Variants in TRPM1 observed in about 807,000 individuals in gnomAD.
TRPM1 encodes transient receptor potential cation channel subfamily M member 1, also known as TRPM1-203 APA Isoform, Intron 10.
Under a neutral mutation model 149.4 loss-of-function variants are expected in TRPM1, and 113 were observed. The ratio of observed to expected loss-of-function variants is 0.76; its 90% CI spans 0.65 to 0.88. The LOEUF is 0.88. TRPM1 is among the 40% of genes least tolerant of loss of function. TRPM1 has a pLI of 0.00. For synonymous variants in TRPM1, 741 were observed against 759.5 expected (o/e 0.98, Z 0.40); for missense variants, 1,976 against 2,038.7 (o/e 0.97, Z 0.59).
intron 1 of TRPM1, among the ~76,000 whole-genome samples, chr15:31,112,746 C>T (rs947544584): frequency 6.6e-6 from 1 of 152,136 alleles, no homozygotes; most frequent in Non-Finnish European, 1.5e-5. Flanking sequence ...AAAAAGATTC[C>T]ACGTGAACTA....
chr15:31,088,966 T>C (rs2035119697), intron 1 of TRPM1, among the ~76,000 whole-genome samples: 1 of 152,182 alleles, frequency 6.6e-6, no homozygotes, highest in Non-Finnish European at 1.5e-5. Context: ...GCAGTGGGGC[T>C]CCCAGCACTT....
intron 1 of TRPM1, among the ~76,000 whole-genome samples, chr15:31,113,838 G>C (rs973528556): frequency 6.6e-6 from 1 of 152,138 alleles, no homozygotes; most frequent in African/African-American, 2.4e-5. Flanking sequence ...GATGTGAACA[G>C]CAAAACAACG....
At chr15:31,082,924 A>G (rs572706496) in intron 1 of TRPM1, among the ~76,000 whole-genome samples, 10 of 152,062 alleles carry the variant, frequency 6.6e-5, no homozygotes, top group South Asian at 4.2e-4. Flanking sequence ...ATGAAGGGTC[A>G]TGGGGGGCTT....
At chr15:31,007,555 G>T (rs968724379) in intron 27 of TRPM1, among the ~76,000 whole-genome samples, 2 of 152,126 alleles carry the variant, frequency 1.3e-5, no homozygotes, top group Non-Finnish European at 2.9e-5. Flanking sequence ...CAATCCCAGT[G>T]CTTCGGGAGA....
At chr15:31,131,896 A>G (rs1472619619) in intron 1 of TRPM1, among the ~76,000 whole-genome samples, 1 of 142,484 alleles carries the variant, frequency 7.0e-6, no homozygotes, top group Non-Finnish European at 1.5e-5. Context: ...TTTTCCTCAC[A>G]TACTAAAATG....
In TRPM1 at chr15:31,038,024, G is replaced by A. The variant is rs2140924298; in HGVS notation, c.2439+20C>T. 2 of 1,614,002 alleles carry A rather than the reference G, an allele frequency of 1.2e-6. No individual in the cohort carries two copies. The highest frequency in any genetic ancestry group is 2.2e-5 in the South Asian group (2 of 91,042). Reference sequence around the variant, plus strand: ...AAACAAGATTACACTGATATGCTTAGGGTCAAGTGTGTCACTGACCGTATT... The same window carrying A: ...AAACAAGATTACACTGATATGCTTAAGGTCAAGTGTGTCACTGACCGTATT... On this transcript the variant is annotated intron_variant, in intron 19 of 27. Coordinates refer to ENST00000256552, the MANE Select transcript of TRPM1 (RefSeq NM_001252024.2).
chr15:31,130,914 A>G (rs879540984), intron 1 of TRPM1, among the ~76,000 whole-genome samples: 1 of 152,162 alleles, frequency 6.6e-6, no homozygotes, highest in Non-Finnish European at 1.5e-5. Flanking sequence ...GCGTGAATTA[A>G]ACTCTCTCCA....
intron 1 of TRPM1, among the ~76,000 whole-genome samples, chr15:31,129,321 C>A (rs1296372090): frequency 2.6e-5 from 4 of 152,220 alleles, no homozygotes; most frequent in Admixed American, 6.5e-5. Flanking sequence ...CTGCGCAGAT[C>A]TGTCCAGTAA....
intron 1 of TRPM1, among the ~76,000 whole-genome samples, chr15:31,157,595 A>C (rs748865386): frequency 3.9e-5 from 6 of 152,194 alleles, no homozygotes; most frequent in Non-Finnish European, 8.8e-5. Context: ...CTTCTCCTGC[A>C]TGAGTACTTG....
chr15:31,084,676 CTTTTTTT>C lies in TRPM1; in HGVS notation c.-83-3245_-83-3239del, dbSNP rs59470983. Among the ~76,000 whole-genome samples the C allele has an allele frequency of 3.1e-5, 4 of 128,484 alleles. No homozygotes were observed. The South Asian group carries it at 7.8e-4, about 25-fold the overall frequency. The allele number at this position is 128,484 out of a possible 152,430, so 84.3% of individuals were successfully genotyped here. A position where few individuals can be genotyped will look rare whatever the true frequency, so the allele number is the denominator to read the frequency against. On this transcript the variant is annotated intron_variant, in intron 1 of 27. Coordinates refer to ENST00000256552, the MANE Select transcript of TRPM1 (RefSeq NM_001252024.2). ...TCTCTCTTTCTTTCTTTTTTCTTTTCTTTTTTTTTTTTTTTGAGACAGAGTCTCACTC... is the reference window on the plus strand; with the variant it reads ...TCTCTCTTTCTTTCTTTTTTCTTTTCTTTTTTTTGAGACAGAGTCTCACTC...
intron 1 of TRPM1, among the ~76,000 whole-genome samples, chr15:31,097,485 T>C (rs1360826493): frequency 6.6e-6 from 1 of 152,168 alleles, no homozygotes; most frequent in Non-Finnish European, 1.5e-5. Context: ...CACCTGGAAA[T>C]ACTTTTGCAT....
At chr15:31,121,589 C>T (rs1203627866) in intron 1 of TRPM1, among the ~76,000 whole-genome samples, 1 of 152,158 alleles carries the variant, frequency 6.6e-6, no homozygotes, top group East Asian at 1.9e-4. Context: ...TGAACAAATT[C>T]CTTGAAACAC....
chr15:31,142,753 G>A (rs1245076005), intron 1 of TRPM1, among the ~76,000 whole-genome samples: 1 of 152,048 alleles, frequency 6.6e-6, no homozygotes, highest in African/African-American at 2.4e-5. Flanking sequence ...CTCCAGAAGG[G>A]CCCCTGGAAG....
intron 27 of TRPM1, among the ~76,000 whole-genome samples, chr15:31,016,981 AC>A (rs770875187): frequency 0.066 from 8,866 of 134,878 alleles, 366 homozygotes; most frequent in Admixed American, 0.14. Flanking sequence ...ACACACACAC[AC>A]ACACACAAAA....
chr15:31,057,700 G>A (rs75375569), intron 11 of TRPM1, among the ~76,000 whole-genome samples: 3,536 of 152,168 alleles, frequency 0.023, 148 homozygotes, highest in African/African-American at 0.081. Flanking sequence ...ATATATCCAC[G>A]TTGCTGACAA....
At chr15:31,071,651 C>T (rs564276620) in intron 3 of TRPM1, among the ~76,000 whole-genome samples, 1 of 151,650 alleles carries the variant, frequency 6.6e-6, no homozygotes, top group Non-Finnish European at 1.5e-5. Flanking sequence ...TCATGTAATA[C>T]ATAATCAACC....
intron 1 of TRPM1, among the ~76,000 whole-genome samples, chr15:31,090,658 AAAAG>A (rs1038475799): frequency 2.6e-5 from 4 of 151,994 alleles, no homozygotes; most frequent in African/African-American, 7.2e-5. Context: ...AGAAAAAAAA[AAAAG>A]AAACTGCACC....
Position 31,049,413 on chromosome 15 carries a change from A to G in TRPM1, c.1534T>C (p.Phe512Leu). 6.2e-7 allele frequency: 1 copy of G among 1,614,172 alleles called. No individual in the cohort carries two copies. The highest frequency in any genetic ancestry group is 1.1e-5 in the South Asian group (1 of 91,084). ...TCCTCCAGCCTCGGAATGGTCAGAA[A>G]GTGTTGCATGTTCACTCCGTTTTCA... is the stretch of plus-strand genomic sequence containing the variant. ...LIENGVNMQH[F>L]LTIPRLEELY... Residue 512 changes from phenylalanine to leucine, a missense_variant, in exon 13 of 28, where the codon TTT becomes CTT. Physicochemically the swap from Phe to Leu is conservative, Grantham distance 22 (BLOSUM62 0). Transcript: ENST00000256552.
intron 16 of TRPM1, among the ~76,000 whole-genome samples, chr15:31,045,721 C>A (rs1319733623): frequency 6.6e-6 from 1 of 152,086 alleles, no homozygotes; most frequent in Admixed American, 6.5e-5. Context: ...TTTGAGAAAA[C>A]TATATATTTT....
Sources: gnomAD v4.1 joint callset for allele counts (sites outside exome capture counted in the v4.1 genomes callset) on GRCh38, gnomAD v4.1.1 for gene constraint, MANE v1.5 for transcripts, NCBI Gene and HGNC (gene_info 2026-07-23, HGNC 2026-07-21) for gene names.